HSF2: variants seen among roughly 807,000 people sequenced by gnomAD.
The protein encoded by HSF2 is heat shock factor protein 2.
Under a neutral mutation model 65.0 loss-of-function variants are expected in HSF2, and 21 were observed. The observed-to-expected ratio is 0.32, with a 90% CI of 0.23 to 0.47. The LOEUF (loss-of-function observed/expected upper bound fraction) is 0.47, where lower values mean the gene tolerates loss of function less well. Among genes scored for constraint, HSF2 ranks in the 20% least tolerant of loss-of-function variants. The pLI is 1.00. For missense variants in HSF2, 499 were observed against 628.1 expected (o/e 0.79, Z 2.20); for synonymous variants, 225 against 219.1 (o/e 1.03, Z -0.24).
At chr6:122,431,563 G>T in intron 12 of HSF2, 49 bp downstream of exon 12, 1 of 1,040,118 alleles carries the variant, frequency 9.6e-7, no homozygotes, top group Non-Finnish European at 1.5e-6. Flanking sequence ...TTAATCCTAT[G>T]CAGAAACAAG....
intron 1 of HSF2, among the ~76,000 whole-genome samples, chr6:122,409,970 CAGAT>C (rs1773953528): frequency 6.6e-6 from 1 of 151,906 alleles, no homozygotes; most frequent in South Asian, 2.1e-4. Flanking sequence ...GGTAAATTCT[CAGAT>C]AGATTTGCTG....
intron 1 of HSF2, among the ~76,000 whole-genome samples, chr6:122,408,492 A>C (rs1000101898): frequency 1.9e-4 from 29 of 152,064 alleles, no homozygotes; most frequent in Admixed American, 3.9e-4. Flanking sequence ...GGCCTTGTGG[A>C]TCTTTGTTCA....
chr6:122,403,912 A>T (rs1773800812), intron 1 of HSF2, among the ~76,000 whole-genome samples: 1 of 152,222 alleles, frequency 6.6e-6, no homozygotes, highest in Admixed American at 6.5e-5. Context: ...AGGTTAAATG[A>T]AGTTATATAG....
Position 122,423,653 on chromosome 6 carries a change from A to G in HSF2, c.1143A>G (p.Arg381=), listed in dbSNP as rs1582618879. Residue 381 remains arginine (R), a synonymous_variant, in exon 10 of 13, where the codon AGA becomes AGG. Transcript: ENST00000368455. ...ACTTCCAGGCCATGCTATCAGGAAG[A>G]CAATTTAGCATAGACCCAGATCTCC... The part of the protein sequence containing the change: ...LEDFQAMLSG[R]QFSIDPDLLV... 1 of 1,609,192 alleles carries G rather than the reference A, an allele frequency of 6.2e-7. No homozygotes were observed. The highest frequency in any genetic ancestry group is 8.5e-7 in the Non-Finnish European group (1 of 1,176,522).
intron 1 of HSF2, among the ~76,000 whole-genome samples, chr6:122,408,082 CT>C (rs1773908233): frequency 6.6e-6 from 1 of 152,094 alleles, no homozygotes; most frequent in Non-Finnish European, 1.5e-5. Flanking sequence ...CTCCCAAAGG[CT>C]CTAACTCCAA....
intron 1 of HSF2, among the ~76,000 whole-genome samples, chr6:122,400,104 T>C (rs752918625): frequency 1.3e-5 from 2 of 152,072 alleles, no homozygotes; most frequent in African/African-American, 2.4e-5. Flanking sequence ...AACGGTCCGG[T>C]CCGCGTTCGG....
At chr6:122,425,140 AAAC>A (rs768079327) in intron 10 of HSF2, among the ~76,000 whole-genome samples, 6 of 152,050 alleles carry the variant, frequency 3.9e-5, no homozygotes, top group Non-Finnish European at 8.8e-5. Flanking sequence ...CCATCTTAAA[AAAC>A]AACCATTTTG....
chr6:122,411,327 T>C (rs201608971), intron 1 of HSF2, among the ~76,000 whole-genome samples: 2 of 152,004 alleles, frequency 1.3e-5, no homozygotes, highest in East Asian at 3.9e-4. Flanking sequence ...TCTTTTGTTC[T>C]TTTTGAATTT....
At chr6:122,411,914 A>C (rs73539077) in intron 1 of HSF2, among the ~76,000 whole-genome samples, 205 of 152,062 alleles carry the variant, frequency 1.3e-3, no homozygotes, top group African/African-American at 4.7e-3. Context: ...CTGAATTCTT[A>C]AAGGGTTTTT....
intron 1 of HSF2, among the ~76,000 whole-genome samples, chr6:122,409,021 G>A (rs1389843904): frequency 6.6e-6 from 1 of 151,952 alleles, no homozygotes; most frequent in Non-Finnish European, 1.5e-5. Flanking sequence ...ATTGAAGTGT[G>A]TAATTTGAGA....
At chr6:122,408,633 T>G (rs995365597) in intron 1 of HSF2, among the ~76,000 whole-genome samples, 15 of 152,132 alleles carry the variant, frequency 9.9e-5, no homozygotes, top group African/African-American at 3.6e-4. Flanking sequence ...AGCAAATCAT[T>G]TTACTGATTT....
chr6:122,426,934 C>G (rs1774350310), intron 10 of HSF2, among the ~76,000 whole-genome samples: 1 of 152,004 alleles, frequency 6.6e-6, no homozygotes, highest in Non-Finnish European at 1.5e-5. Flanking sequence ...GGAACATATC[C>G]TACCTTCTTT....
Position 122,413,665 on chromosome 6 carries a change from C to G in HSF2, c.455+16C>G. The G allele has an allele frequency of 3.1e-6, 5 of 1,589,800 alleles. No individual in the cohort carries two copies. Among genetic ancestry groups the G allele is most frequent in the Non-Finnish European group, 4.3e-6 (5 of 1,162,156 alleles). On this transcript the variant is annotated intron_variant, in intron 4 of 12. Transcript: ENST00000368455. ...AATTAAAAAGGTAAAGTGTTATTTC[C>G]AAATATAATTTTAATCTGGGAATTG... is the stretch of plus-strand genomic sequence containing the variant.
At position 122,422,799 on chromosome 6, in the gene HSF2, G is replaced by C; in HGVS notation, c.912G>C (p.Gln304His). Residue 304 changes from glutamine (Q) to histidine (H), a missense_variant, in exon 9 of 13, where the codon CAG becomes CAC. Physicochemically the swap from Gln to His is conservative, Grantham distance 24. Transcript: ENST00000368455. ...CACCTGTCATTCAGAGTGGAGAGCAGAATGAACCAGCCAGAGAATCCCTAA... is the reference window on the plus strand; with the variant it reads ...CACCTGTCATTCAGAGTGGAGAGCACAATGAACCAGCCAGAGAATCCCTAA... ...EYAPVIQSGEQNEPARESLSS... is the reference protein window; with the variant it reads ...EYAPVIQSGEHNEPARESLSS... 1 of 1,613,790 alleles carries C rather than the reference G, an allele frequency of 6.2e-7. No homozygotes were observed. The highest frequency in any genetic ancestry group is 1.3e-5 in the African/African-American group (1 of 75,020).
intron 10 of HSF2, among the ~76,000 whole-genome samples, chr6:122,425,102 G>A (rs187135644): frequency 1.2e-3 from 185 of 151,794 alleles, no homozygotes; most frequent in Non-Finnish European, 2.4e-3. Context: ...AATCTTTCCC[G>A]TCTGCCTTCA....
At position 122,432,717 on chromosome 6, in the gene HSF2, T is replaced by A. The variant is rs1359293316; in HGVS notation, c.*497T>A. The stretch of plus-strand genomic sequence containing the variant: ...ATCTTGTAAAACTTCATTTGTTTCT[T>A]TTGGTTCAGAGAAGTTCATTTATGT... On this transcript the variant is annotated 3_prime_UTR_variant, in exon 13 of 13. Transcript: ENST00000368455. 1 of 153,916 alleles carries A rather than the reference T, an allele frequency of 6.5e-6. No individual in the cohort carries two copies. Among genetic ancestry groups the A allele is most frequent in the Non-Finnish European group, 1.4e-5 (1 of 69,268 alleles). The allele number at this position is 153,916 out of a possible 1,614,324, so 9.5% of individuals were successfully genotyped here.
intron 10 of HSF2, among the ~76,000 whole-genome samples, chr6:122,426,486 T>C (rs954068950): frequency 1.3e-5 from 2 of 152,102 alleles, no homozygotes; most frequent in South Asian, 2.1e-4. Context: ...TGCCACTCTC[T>C]GTAGGGACAA....
At chr6:122,424,753 C>CA (rs1292322413) in intron 10 of HSF2, among the ~76,000 whole-genome samples, 2 of 152,016 alleles carry the variant, frequency 1.3e-5, no homozygotes, top group Non-Finnish European at 2.9e-5. Context: ...TTGATCCTAT[C>CA]AGCCTTTCTC....
At chr6:122,416,140 G>C in intron 4 of HSF2, 81 bp from the exon 5 acceptor site, 1 of 828,948 alleles carries the variant, frequency 1.2e-6, no homozygotes, top group South Asian at 1.5e-5. Context: ...CAGTTGTCTG[G>C]TATTCTTAAT....
Sources: allele counts gnomAD v4.1 joint callset (sites outside exome capture counted in the v4.1 genomes callset), GRCh38; gene constraint gnomAD v4.1.1; transcripts MANE v1.5; gene names NCBI Gene and HGNC (gene_info 2026-07-23, HGNC 2026-07-21).